Variants in NDUFS1 observed in about 807,000 individuals in gnomAD.
NDUFS1 encodes NADH-ubiquinone oxidoreductase 75 kDa subunit, mitochondrial.
A neutral mutation model predicts 84.4 loss-of-function variants in NDUFS1; 61 were observed. The observed-to-expected ratio is 0.72, with a 90% confidence interval of 0.59 to 0.89. The LOEUF is 0.89. NDUFS1 is among the 40% of genes least tolerant of loss of function. NDUFS1 has a pLI of 0.00. For missense variants in NDUFS1, 891 were observed against 890.0 expected, an observed-to-expected ratio of 1.00 and a Z score of -0.01; for synonymous variants, 275 against 290.0, an observed-to-expected ratio of 0.95 and a Z score of 0.53.
intron 2 of NDUFS1, among the ~76,000 whole-genome samples, chr2:206,152,795 C>T (rs968821098): frequency 1.3e-5 from 2 of 151,432 alleles, no homozygotes; most frequent in African/African-American, 4.9e-5. Flanking sequence ...ACCTCCACCT[C>T]CCCGGTTCAA....
Position 206,116,524 on chromosome 2 carries a change from A to G in NDUFS1, c.*7661T>C. ...ATGTTCCCAGGGGTGCGGGGATGGC[A>G]GCGCTACGCCTCAGCCACTCGCGCG... On this transcript the variant is annotated 3_prime_UTR_variant, in exon 19 of 19. Coordinates refer to ENST00000233190, the MANE Select transcript of NDUFS1 (RefSeq NM_005006.7). 3.6e-6 allele frequency: 4 copies of G among 1,113,454 alleles called. No homozygotes were observed. The South Asian group carries it at 4.0e-5, about 11-fold the overall frequency. 69.0% of individuals were successfully genotyped at this position (1,113,454 alleles called of 1,614,324 possible).
rs1692015888 is a variant in NDUFS1 at position 206,142,850 on chromosome 2, G to C, written c.988-19C>G. 2 of 1,613,490 alleles carry C rather than the reference G, an allele frequency of 1.2e-6. No homozygotes were observed. Among genetic ancestry groups the C allele is most frequent in the Non-Finnish European group, 1.7e-6 (2 of 1,179,866 alleles). On this transcript the variant is annotated intron_variant, in intron 10 of 18. Coordinates refer to ENST00000233190, the MANE Select transcript of NDUFS1 (RefSeq NM_005006.7). ...TCTGCAACTAGAAACAGATGAAAAG[G>C]GCATCACCAAGAAACCTACACGCAG...
At chr2:206,125,992 T>C (rs1436113751) in intron 18 of NDUFS1, among the ~76,000 whole-genome samples, 1 of 152,216 alleles carries the variant, frequency 6.6e-6, no homozygotes, top group East Asian at 1.9e-4. Flanking sequence ...ATACAAACTA[T>C]ATAAAAAAAT....
chr2:206,119,623 G>C lies in NDUFS1; in HGVS notation c.*4562C>G, dbSNP rs1169577501. On this transcript the variant is annotated 3_prime_UTR_variant, in exon 19 of 19. Transcript: ENST00000233190. Reference sequence around the variant, plus strand: ...AGACAGAGTTTCACCATGTCGGACAGGCTGGTCTCGAAAACTCCTGACCTC... The same window carrying C: ...AGACAGAGTTTCACCATGTCGGACACGCTGGTCTCGAAAACTCCTGACCTC... The C allele has an allele frequency of 6.6e-6, 1 of 152,092 alleles. No individual in the cohort carries two copies. Among genetic ancestry groups the C allele is most frequent in the Non-Finnish European group, 1.5e-5 (1 of 68,042 alleles). 9.4% of individuals were successfully genotyped at this position (152,092 alleles called of 1,614,324 possible).
Position 206,144,931 on chromosome 2 carries a change from T to G in NDUFS1, c.833A>C (p.His278Pro). ...GATCCACTCTTCATTGATGTCCTCA[T>G]GCATACGTGGCAAAATCCTCATCAC... ...GEVMRILPRM[H>P]EDINEEWISD... Residue 278 changes from histidine (H) to proline (P), a missense_variant, in exon 9 of 19, where the codon CAT becomes CCT. By Grantham distance (77) the His-to-Pro change is moderately conservative. Transcript: ENST00000233190. The G allele has an allele frequency of 1.2e-6, 2 of 1,614,138 alleles. No homozygotes were observed. The highest frequency in any genetic ancestry group is 1.7e-6 in the Non-Finnish European group (2 of 1,179,986).
Position 206,115,831 on chromosome 2 carries a change from G to C in NDUFS1, c.*8354C>G, listed in dbSNP as rs750764005. 2.3e-6 allele frequency: 1 copy of C among 442,836 alleles called. No individual in the cohort carries two copies. The highest frequency in any genetic ancestry group is 4.2e-6 in the Non-Finnish European group (1 of 239,702). The allele number at this position is 442,836 out of a possible 1,614,324, so 27.4% of individuals were successfully genotyped here. A position where few individuals can be genotyped will look rare whatever the true frequency, so the allele number is the denominator to read the frequency against. ...ATTATCTTTGAATTATGTAATTTTT[G>C]TAACTAATTTTTACCATGGATAATT... On this transcript the variant is annotated 3_prime_UTR_variant, in exon 19 of 19. Transcript: ENST00000233190.
Position 206,145,021 on chromosome 2 carries a change from GTCTT to G in NDUFS1, c.739_742del (p.Lys247GlnfsTer6). Reference sequence around the variant, plus strand: ...CGCATCCATTACATCAATGGATTCTGTCTTTCTGAGAAACACATACGGTGTTTAC... The same window carrying G: ...CGCATCCATTACATCAATGGATTCTGTCTGAGAAACACATACGGTGTTTAC... On this transcript the variant is annotated frameshift_variant and splice_region_variant, in exon 9 of 19. Transcript: ENST00000233190. LOFTEE classifies it high-confidence loss of function. 6.2e-7 allele frequency: 1 copy of G among 1,613,634 alleles called. No individual in the cohort carries two copies. The highest frequency in any genetic ancestry group is 8.5e-7 in the Non-Finnish European group (1 of 1,179,834).
chr2:206,147,806 T>G lies in NDUFS1; in HGVS notation c.367A>C (p.Asn123His). The G allele has an allele frequency of 1.2e-6, 2 of 1,614,112 alleles. No homozygotes were observed. Among genetic ancestry groups the G allele is most frequent in the Non-Finnish European group, 1.7e-6 (2 of 1,179,960 alleles). ...REGVMEFLLANHPLDCPICDQ... is the reference protein window; with the variant it reads ...REGVMEFLLAHHPLDCPICDQ... ...CAAATAGGACAGTCCAATGGGTGATTTGCTAATAAGAACTCCATCACACCT... is the reference window on the plus strand; with the variant it reads ...CAAATAGGACAGTCCAATGGGTGATGTGCTAATAAGAACTCCATCACACCT... Residue 123 changes from asparagine (N) to histidine (H), a missense_variant, in exon 6 of 19, where the codon AAT becomes CAT. Transcript: ENST00000233190.
intron 3 of NDUFS1, among the ~76,000 whole-genome samples, chr2:206,151,197 G>T (rs563527791): frequency 1.3e-5 from 2 of 152,194 alleles, no homozygotes; most frequent in South Asian, 4.2e-4. Context: ...AACTCCTGAT[G>T]GATCAAAATA....
In NDUFS1 at chr2:206,144,152, C is replaced by T; in HGVS notation, c.873-20G>A. ...GCAAATCTAGAAAACAGAAATTACA[C>T]CATTGTGGAATCTTGCTAAAGAAGT... On this transcript the variant is annotated intron_variant, in intron 9 of 18. Coordinates refer to ENST00000233190, the MANE Select transcript of NDUFS1 (RefSeq NM_005006.7). 1 of 1,545,918 alleles carries T rather than the reference C, an allele frequency of 6.5e-7. No homozygotes were observed. The highest frequency in any genetic ancestry group is 8.9e-7 in the Non-Finnish European group (1 of 1,118,156).
intron 13 of NDUFS1, among the ~76,000 whole-genome samples, chr2:206,136,439 T>G (rs1377734182): frequency 8.5e-5 from 4 of 46,784 alleles, no homozygotes; most frequent in Admixed American, 2.7e-4. Context: ...TTTTTTTTTG[T>G]TTTTTTTTTT....
chr2:206,126,549 G>C lies in NDUFS1; in HGVS notation c.2082C>G (p.Phe694Leu). Residue 694 changes from phenylalanine (F) to leucine (L), a missense_variant, in exon 18 of 19, where the codon TTC (phenylalanine) becomes TTG (leucine). Transcript: ENST00000233190. ...LVPPQLTIKDFYMTDSISRAS... is the reference protein window; with the variant it reads ...LVPPQLTIKDLYMTDSISRAS... ...TTGACAATTACATACCTGTCATGTA[G>C]AAGTCTTTTATAGTTAGCTGAGGTG... 1.9e-6 allele frequency: 3 copies of C among 1,614,070 alleles called. No individual in the cohort carries two copies. Among genetic ancestry groups the C allele is most frequent in the Non-Finnish European group, 2.5e-6 (3 of 1,179,988 alleles).
chr2:206,127,807 G>C lies in NDUFS1; in HGVS notation c.1874C>G (p.Ala625Gly). Reference sequence around the variant, plus strand: ...ACTCAGAAATTATACCTCAGAGAGTGCTCTTATAATTTTCCAGTCTTCTCT... The same window carrying C: ...ACTCAGAAATTATACCTCAGAGAGTCCTCTTATAATTTTCCAGTCTTCTCT... ...LAREDWKIIRALSEIAGMTLP... is the reference protein window; with the variant it reads ...LAREDWKIIRGLSEIAGMTLP... The change falls in exon 16 of 19, where the codon GCA (alanine) becomes GGA (glycine). Residue 625 changes from alanine (A) to glycine (G), a missense_variant. By Grantham distance (60) the Ala-to-Gly change is moderately conservative. Transcript: ENST00000233190. The C allele has an allele frequency of 6.2e-7, 1 of 1,614,002 alleles. No individual in the cohort carries two copies. The highest frequency in any genetic ancestry group is 2.2e-5 in the East Asian group (1 of 44,862).
chr2:206,144,518 C>G (rs1392232753), intron 9 of NDUFS1, among the ~76,000 whole-genome samples: 1 of 152,044 alleles, frequency 6.6e-6, no homozygotes, highest in Admixed American at 6.6e-5. Context: ...ATTGTGCAAA[C>G]TCTTCTATTC....
Position 206,138,562 on chromosome 2 carries a change from T to C in NDUFS1, c.1315A>G (p.Thr439Ala). 6.2e-7 allele frequency: 1 copy of C among 1,613,816 alleles called. No individual in the cohort carries two copies. Among genetic ancestry groups the C allele is most frequent in the Non-Finnish European group, 8.5e-7 (1 of 1,179,762 alleles). The change falls in exon 13 of 19, where the codon ACT (threonine) becomes GCT (alanine). Residue 439 changes from threonine to alanine, a missense_variant. By Grantham distance (58) the Thr-to-Ala change is moderately conservative (BLOSUM62 0). Transcript: ENST00000233190. ...TCTCCCAGGTGGTCATATGTGTAAG[T>C]GAGGTCCACTGGACTGCCTATAAGG... is the stretch of plus-strand genomic sequence containing the variant. ...VALIGSPVDL[T>A]YTYDHLGDSP...
At chr2:206,145,858 A>G (rs954355391) in intron 8 of NDUFS1, among the ~76,000 whole-genome samples, 21 of 152,220 alleles carry the variant, frequency 1.4e-4, no homozygotes, top group Middle Eastern at 3.4e-3. Context: ...TGTGGAGGTG[A>G]TACTTTGGAG....
Position 206,116,079 on chromosome 2 carries a change from T to C in NDUFS1, c.*8106A>G. ...AGGACAACTCTGCTGGGTTGCGTTA[T>C]TTCATACTAGCTTATTTAGTGGTTC... On this transcript the variant is annotated 3_prime_UTR_variant, in exon 19 of 19. Transcript: ENST00000233190. 9.2e-7 allele frequency: 1 copy of C among 1,088,606 alleles called. No homozygotes were observed. The highest frequency in any genetic ancestry group is 1.4e-6 in the Non-Finnish European group (1 of 701,672). The allele number at this position is 1,088,606 out of a possible 1,614,324, so 67.4% of individuals were successfully genotyped here. A position where few individuals can be genotyped will look rare whatever the true frequency, so the allele number is the denominator to read the frequency against.
At chr2:206,129,454 G>A (rs930337186) in intron 15 of NDUFS1, among the ~76,000 whole-genome samples, 2 of 151,802 alleles carry the variant, frequency 1.3e-5, no homozygotes, top group African/African-American at 2.4e-5. Context: ...GTAGAAACAG[G>A]GTCTCCCTAT....
intron 15 of NDUFS1, among the ~76,000 whole-genome samples, chr2:206,129,364 G>A (rs989053717): frequency 1.3e-5 from 2 of 152,058 alleles, no homozygotes; most frequent in African/African-American, 4.8e-5. Context: ...CTGAACTCAA[G>A]TGATCCTCCC....
Sources: gnomAD v4.1 joint callset for allele counts (sites outside exome capture counted in the v4.1 genomes callset) on GRCh38, gnomAD v4.1.1 for gene constraint, MANE v1.5 for transcripts, NCBI Gene and HGNC (gene_info 2026-07-23, HGNC 2026-07-21) for gene names.